The following CDADC1 variants were observed in gnomAD, a reference collection of about 807,000 sequenced individuals.
The protein encoded by CDADC1 is dCTP deaminase.
CDADC1 carries 39 observed loss-of-function variants against 54.9 expected under a neutral mutation model. The ratio of observed to expected loss-of-function variants is 0.71; its 90% CI spans 0.55 to 0.93. The LOEUF (loss-of-function observed/expected upper bound fraction) is 0.93. CDADC1 is among the 40% of genes least tolerant of loss of function. The probability of loss-of-function intolerance (pLI) is 0.00; values close to 1 mark genes in which losing one functional copy is unlikely to be tolerated. For missense variants in CDADC1, 518 were observed against 618.8 expected (o/e 0.84, Z 1.73); for synonymous variants, 186 against 204.0 (o/e 0.91, Z 0.75).
chr13:49,256,083 A>AC (rs1185175450), intron 3 of CDADC1, among the ~76,000 whole-genome samples, 170 bp downstream of exon 3: 7 of 151,254 alleles, frequency 4.6e-5, no homozygotes, highest in African/African-American at 1.7e-4. Flanking sequence ...TTTTTTAAAA[A>AC]AAAAAGTACA....
chr13:49,270,117 T>A (rs1952926671), intron 5 of CDADC1, among the ~76,000 whole-genome samples: 1 of 152,188 alleles, frequency 6.6e-6, no homozygotes, highest in South Asian at 2.1e-4. Flanking sequence ...AAACACAATG[T>A]GCGTTGAATG....
At position 49,290,426 on chromosome 13, in the gene CDADC1, G is replaced by A. The variant is rs541853756; in HGVS notation, c.1472-1258G>A. On this transcript the variant is annotated intron_variant, in intron 9 of 9. Coordinates refer to ENST00000251108, the MANE Select transcript of CDADC1 (RefSeq NM_030911.4). ...ACATAATACATTATATATAGAGAGA[G>A]AGAATGTTTCAAATATTACATGATA... Among the ~76,000 whole-genome samples, 4 of 152,058 alleles carry A rather than the reference G, an allele frequency of 2.6e-5. No individual in the cohort carries two copies. In the South Asian group the frequency reaches 8.3e-4, roughly 32 times the overall value.
chr13:49,259,843 T>A (rs557381679), intron 4 of CDADC1, among the ~76,000 whole-genome samples: 1 of 150,992 alleles, frequency 6.6e-6, no homozygotes. Flanking sequence ...CAAGACCTTG[T>A]CTCCAGAAAA....
intron 6 of CDADC1, 25 bp downstream of exon 6, chr13:49,274,365 A>T (rs372282007): frequency 6.3e-7 from 1 of 1,585,504 alleles, no homozygotes; most frequent in South Asian, 1.1e-5. Flanking sequence ...AATTCTTTAA[A>T]TATTTAACCT....
intron 5 of CDADC1, among the ~76,000 whole-genome samples, chr13:49,269,978 T>C (rs1952922937): frequency 6.6e-6 from 1 of 152,212 alleles, no homozygotes; most frequent in Non-Finnish European, 1.5e-5. Flanking sequence ...CAAGGTTAAT[T>C]GTTGGTGATT....
Position 49,267,476 on chromosome 13 carries a change from A to G in CDADC1, c.431-14A>G, listed in dbSNP as rs1372042354. 3.7e-6 allele frequency: 6 copies of G among 1,600,176 alleles called. No homozygotes were observed. The South Asian group carries it at 5.6e-5, about 15-fold the overall frequency. Reference sequence around the variant, plus strand: ...CATGTATCTCATAATTACCTTTCGTATTTTGTATTTCAGCTGGAGTTAACC... The same window carrying G: ...CATGTATCTCATAATTACCTTTCGTGTTTTGTATTTCAGCTGGAGTTAACC... On this transcript the variant is annotated splice_polypyrimidine_tract_variant and intron_variant, in intron 4 of 9. Coordinates refer to ENST00000251108, the MANE Select transcript of CDADC1 (RefSeq NM_030911.4).
At chr13:49,254,550 G>A (rs1462765871) in intron 2 of CDADC1, among the ~76,000 whole-genome samples, 4 of 151,702 alleles carry the variant, frequency 2.6e-5, no homozygotes, top group African/African-American at 4.8e-5. Context: ...CTACAGGTGC[G>A]CACCACCATG....
At chr13:49,248,217 C>A in intron 1 of CDADC1, 98 bp downstream of exon 1, 1 of 1,087,564 alleles carries the variant, frequency 9.2e-7, no homozygotes, top group Admixed American at 2.1e-5. Flanking sequence ...AGCCTCTTTG[C>A]CTCCCCTGCT....
At position 49,291,711 on chromosome 13, in the gene CDADC1, A is replaced by G. The variant is rs772280351; in HGVS notation, c.1499A>G (p.Lys500Arg). ...GGTGTGTTGAGACCTGTCCCACAGA[A>G]GGAAGAGCAGCACCAGGACAAGAAG... ...ENGVLRPVPQ[K>R]EEQHQDKKLR... Residue 500 changes from lysine (K) to arginine (R), a missense_variant, in exon 10 of 10, where the codon AAG becomes AGG. Transcript: ENST00000251108. 1.2e-6 allele frequency: 2 copies of G among 1,614,156 alleles called. No individual in the cohort carries two copies. The highest frequency in any genetic ancestry group is 2.2e-5 in the East Asian group (1 of 44,884).
intron 5 of CDADC1, among the ~76,000 whole-genome samples, chr13:49,272,850 G>T (rs1306469299): frequency 6.6e-6 from 1 of 151,884 alleles, no homozygotes; most frequent in Non-Finnish European, 1.5e-5. Context: ...TAGAGACGGG[G>T]TTTCACCATG....
chr13:49,250,849 A>G (rs1458412656), intron 2 of CDADC1, among the ~76,000 whole-genome samples: 2 of 152,204 alleles, frequency 1.3e-5, no homozygotes, highest in African/African-American at 4.8e-5. Flanking sequence ...TTAAAATATT[A>G]TACATCGTTA....
At chr13:49,262,604 C>G (rs1020285318) in intron 4 of CDADC1, among the ~76,000 whole-genome samples, 1 of 152,122 alleles carries the variant, frequency 6.6e-6, no homozygotes, top group African/African-American at 2.4e-5. Flanking sequence ...AATTTCAGCT[C>G]ATTGCAACCC....
rs1303400608 is a variant in CDADC1, at chr13:49,259,332, A to G, written c.253-14A>G. ...GTTATAACTAATAAGTTGTTATTTT[A>G]TATCTTAATGTAGGTAAAGAGAACT... is the stretch of plus-strand genomic sequence containing the variant. On this transcript the variant is annotated splice_polypyrimidine_tract_variant and intron_variant, in intron 3 of 9. Coordinates refer to ENST00000251108, the MANE Select transcript of CDADC1 (RefSeq NM_030911.4). 2.6e-6 allele frequency: 4 copies of G among 1,560,266 alleles called. No homozygotes were observed. Among genetic ancestry groups the G allele is most frequent in the Non-Finnish European group, 3.5e-6 (4 of 1,144,022 alleles).
chr13:49,248,297 G>T (rs2138185736), intron 1 of CDADC1, 178 bp downstream of exon 1: 1 of 573,774 alleles, frequency 1.7e-6, no homozygotes, highest in Non-Finnish European at 3.1e-6. Flanking sequence ...CGGCTCGGTC[G>T]CACTGGCTTT....
chr13:49,290,871 CTTTATG>C (rs1247764695), intron 9 of CDADC1, among the ~76,000 whole-genome samples: 4 of 152,156 alleles, frequency 2.6e-5, no homozygotes, highest in African/African-American at 2.4e-5. Flanking sequence ...AAGCTATACA[CTTTATG>C]TTTAGTTTAT....
At chr13:49,287,022 C>T (rs1486127028) in intron 9 of CDADC1, among the ~76,000 whole-genome samples, 1 of 152,196 alleles carries the variant, frequency 6.6e-6, no homozygotes, top group Non-Finnish European at 1.5e-5. Context: ...GAAACCTCGT[C>T]TCCACTAAAA....
At chr13:49,270,360 A>G (rs1952935186) in intron 5 of CDADC1, among the ~76,000 whole-genome samples, 1 of 152,060 alleles carries the variant, frequency 6.6e-6, no homozygotes, top group Non-Finnish European at 1.5e-5. Flanking sequence ...AGCTTGTACT[A>G]CAGGTGAACC....
At chr13:49,274,854 T>C (rs570263338) in intron 6 of CDADC1, among the ~76,000 whole-genome samples, 3 of 152,298 alleles carry the variant, frequency 2.0e-5, no homozygotes, top group African/African-American at 7.2e-5. Context: ...TTTTATGGCC[T>C]CATAGTTTAG....
intron 6 of CDADC1, among the ~76,000 whole-genome samples, chr13:49,277,191 G>A (rs530971660): frequency 6.6e-6 from 1 of 151,368 alleles, no homozygotes; most frequent in East Asian, 1.9e-4. Context: ...ACTCAGTATG[G>A]CTGGGTGCAG....
Sources: gnomAD v4.1 joint callset for allele counts (sites outside exome capture counted in the v4.1 genomes callset) on GRCh38, gnomAD v4.1.1 for gene constraint, MANE v1.5 for transcripts, NCBI Gene and HGNC (gene_info 2026-07-23, HGNC 2026-07-21) for gene names.